SPDYE18: variants seen among roughly 807,000 people sequenced by gnomAD.
SPDYE18 encodes the protein speedy/RINGO cell cycle regulator family member E18, also known as speedy protein E18.
Under a neutral mutation model 44.9 loss-of-function variants are expected in SPDYE18, and 6 were observed. The observed-to-expected ratio is 0.13, with a 90% CI of 0.07 to 0.26. SPDYE18 has a LOEUF of 0.26. Ranked by LOEUF, SPDYE18 falls within the 10% of genes least tolerant of loss-of-function variation. The pLI is 1.00. For missense variants in SPDYE18, 121 were observed against 463.2 expected, an observed-to-expected ratio of 0.26 and a Z score of 6.78; for synonymous variants, 35 against 177.1, an observed-to-expected ratio of 0.20 and a Z score of 6.37.
In SPDYE18 at chr7:77,051,681, C is replaced by T. The variant is rs1160952823; in HGVS notation, c.*244G>A. 6.6e-6 allele frequency among the ~76,000 whole-genome samples: 1 copy of T among 151,652 alleles called. No homozygotes were observed. The highest frequency in any genetic ancestry group is 1.5e-5 in the Non-Finnish European group (1 of 67,850). On this transcript the variant is annotated 3_prime_UTR_variant, in exon 9 of 9. Transcript: ENST00000510091. ...GTTTTCTTACTTTTCTCCAAGGACT[C>T]CTAGAAGGACCCCACCCCCCTCCCC... is the stretch of plus-strand genomic sequence containing the variant.
Position 77,050,457 on chromosome 7 carries a change from G to A in SPDYE18, c.*1468C>T, listed in dbSNP as rs1452005958. Reference sequence around the variant, plus strand: ...GTTTCCACAAGAGACGCACTCTATTGTTCTCTTGAAAACACACAGCTCATG... The same window carrying A: ...GTTTCCACAAGAGACGCACTCTATTATTCTCTTGAAAACACACAGCTCATG... On this transcript the variant is annotated 3_prime_UTR_variant, in exon 9 of 9. Coordinates refer to ENST00000510091, the MANE Select transcript of SPDYE18 (RefSeq NM_001394953.1). 2.0e-5 allele frequency among the ~76,000 whole-genome samples: 3 copies of A among 152,198 alleles called. No homozygotes were observed. Among genetic ancestry groups the A allele is most frequent in the Non-Finnish European group, 4.4e-5 (3 of 68,044 alleles).
rs199905759 is a variant in SPDYE18 at position 77,053,088 on chromosome 7, A to G, written c.871T>C (p.Leu291=). 11,537 of 1,605,044 alleles carry G rather than the reference A, an allele frequency of 7.2e-3. No homozygotes were observed. In the East Asian group the frequency reaches 0.11, roughly 15 times the overall value. The change falls in exon 7 of 9, where the codon TTA becomes CTA. Residue 291 remains leucine, a synonymous_variant. Transcript: ENST00000510091. The stretch of plus-strand genomic sequence containing the variant: ...GCCCTCGGGTTCAAGCAACGGCATA[A>G]CTGGAACCGACGGTTACGGACCAAG... ...IPLVRNRRFQ[L]CRCLNPRARK...
rs1434035650 is a variant in SPDYE18 at position 77,060,322 on chromosome 7, A to G, written c.160+31T>C. ...CCCTTCCTTCGTCTTAGTCAACCCT[A>G]TCCCACCTCTTCTTCCACCAGTCCC... On this transcript the variant is annotated intron_variant, in intron 2 of 8. Transcript: ENST00000510091. 1.2e-5 allele frequency: 19 copies of G among 1,534,748 alleles called. No individual in the cohort carries two copies. In the Admixed American group the frequency reaches 2.6e-4, roughly 21 times the overall value.
Position 77,060,719 on chromosome 7 carries a change from C to A in SPDYE18, c.-207G>T, listed in dbSNP as rs1347109897. 7.9e-5 allele frequency among the ~76,000 whole-genome samples: 12 copies of A among 151,256 alleles called. No homozygotes were observed. Among genetic ancestry groups the A allele is most frequent in the Admixed American group, 7.3e-4 (11 of 15,156 alleles). ...ACCTGGCAACCAGTTTGAAAAAAAA[C>A]ACATGTAACTGCCAGGCTGATCTCT... On this transcript the variant is annotated 5_prime_UTR_variant, in exon 2 of 9. Transcript: ENST00000510091.
Position 77,059,016 on chromosome 7 carries a change from A to G in SPDYE18, c.379+164T>C, listed in dbSNP as rs576469733. On this transcript the variant is annotated intron_variant, in intron 3 of 8. Transcript: ENST00000510091. Reference sequence around the variant, plus strand: ...TTTATCAAGTCTAGCCTAGTCCTCTATCATCTCCTAAGTGTCCCTCATGAG... The same window carrying G: ...TTTATCAAGTCTAGCCTAGTCCTCTGTCATCTCCTAAGTGTCCCTCATGAG... 1.9e-3 allele frequency among the ~76,000 whole-genome samples: 283 copies of G among 152,014 alleles called. 3 individuals are homozygous for G. Among genetic ancestry groups the G allele is most frequent in the African/African-American group, 6.4e-3 (267 of 41,484 alleles).
chr7:77,058,195 G>A (rs1789960505), intron 3 of SPDYE18, among the ~76,000 whole-genome samples: 1 of 115,344 alleles, frequency 8.7e-6, no homozygotes, highest in Non-Finnish European at 1.7e-5. Context: ...GTAGTGGTGC[G>A]ATCTTGGCTC....
intron 3 of SPDYE18, among the ~76,000 whole-genome samples, chr7:77,058,516 T>C (rs2117324042): frequency 8.0e-6 from 1 of 125,422 alleles, no homozygotes; most frequent in Middle Eastern, 3.8e-3. Context: ...TTTTTTTTTT[T>C]TTTTTTTTGA....
rs1212689921 is a variant in SPDYE18 at position 77,051,431 on chromosome 7, G to T, written c.*494C>A. On this transcript the variant is annotated 3_prime_UTR_variant, in exon 9 of 9. Transcript: ENST00000510091. ...ACATTTCCAAACAAACCAATAAAATGCAGAGTGTGCATGAAGCTATCTGTT... is the reference window on the plus strand; with the variant it reads ...ACATTTCCAAACAAACCAATAAAATTCAGAGTGTGCATGAAGCTATCTGTT... Among the ~76,000 whole-genome samples, 5 of 152,272 alleles carry T rather than the reference G, an allele frequency of 3.3e-5. No individual in the cohort carries two copies. The highest frequency in any genetic ancestry group is 1.2e-4 in the African/African-American group (5 of 41,480).
Position 77,053,830 on chromosome 7 carries a change from CTCTA to C in SPDYE18, c.756-631_756-628del, listed in dbSNP as rs1482483987. Among the ~76,000 whole-genome samples, 5 of 146,574 alleles carry C rather than the reference CTCTA, an allele frequency of 3.4e-5. 1 individual carries two copies. Among genetic ancestry groups the C allele is most frequent in the African/African-American group, 1.2e-4 (5 of 40,750 alleles). On this transcript the variant is annotated intron_variant, in intron 6 of 8. Coordinates refer to ENST00000510091, the MANE Select transcript of SPDYE18 (RefSeq NM_001394953.1). The stretch of plus-strand genomic sequence containing the variant: ...TTCCAGCCTGAGAGGCAGAGCAAGA[CTCTA>C]TCTCAATAATCAAACAAACAAACAA...
chr7:77,051,070 C>G lies in SPDYE18; in HGVS notation c.*855G>C, dbSNP rs1223650210. On this transcript the variant is annotated 3_prime_UTR_variant, in exon 9 of 9. Transcript: ENST00000510091. Reference sequence around the variant, plus strand: ...CAACTGAATTCTCACAATTCAGTCACAAACCTAAACAGCAAATAAAAATTT... The same window carrying G: ...CAACTGAATTCTCACAATTCAGTCAGAAACCTAAACAGCAAATAAAAATTT... 6.6e-6 allele frequency among the ~76,000 whole-genome samples: 1 copy of G among 151,934 alleles called. No individual in the cohort carries two copies. The highest frequency in any genetic ancestry group is 1.9e-4 in the East Asian group (1 of 5,178).
At position 77,060,151 on chromosome 7, in the gene SPDYE18, A is replaced by T. The variant is rs1243633230; in HGVS notation, c.160+202T>A. 2.0e-5 allele frequency among the ~76,000 whole-genome samples: 3 copies of T among 148,406 alleles called. No homozygotes were observed. In the East Asian group the frequency reaches 6.1e-4, roughly 30 times the overall value. On this transcript the variant is annotated intron_variant, in intron 2 of 8. Coordinates refer to ENST00000510091, the MANE Select transcript of SPDYE18 (RefSeq NM_001394953.1). The stretch of plus-strand genomic sequence containing the variant: ...GCTGGGATTACAGGTGTGCACCACT[A>T]CCACTTGACTACTTTTTATACTTTT...
chr7:77,051,678 A>G lies in SPDYE18; in HGVS notation c.*247T>C, dbSNP rs1399619659. ...CCTGTTTTCTTACTTTTCTCCAAGG[A>G]CTCCTAGAAGGACCCCACCCCCCTC... On this transcript the variant is annotated 3_prime_UTR_variant, in exon 9 of 9. Coordinates refer to ENST00000510091, the MANE Select transcript of SPDYE18 (RefSeq NM_001394953.1). 6.6e-6 allele frequency among the ~76,000 whole-genome samples: 1 copy of G among 151,166 alleles called. No homozygotes were observed. The highest frequency in any genetic ancestry group is 2.4e-5 in the African/African-American group (1 of 41,308).
In SPDYE18 at chr7:77,057,701, C is replaced by T. The variant is rs1789949663; in HGVS notation, c.546G>A (p.Lys182=). ...VAEMLCGLKM[K]LKRRRVSLVL... is the part of the protein sequence containing the mutation. The stretch of plus-strand genomic sequence containing the variant: ...CGAGCGACACTCGCCGTCGCTTCAG[C>T]TTCATCTTGAGGCCACACAGCATCT... The change falls in exon 4 of 9, where the codon AAG becomes AAA. Residue 182 remains lysine, a synonymous_variant. Coordinates refer to ENST00000510091, the MANE Select transcript of SPDYE18 (RefSeq NM_001394953.1). The T allele has an allele frequency of 6.6e-7, 1 of 1,520,406 alleles. No individual in the cohort carries two copies. The highest frequency in any genetic ancestry group is 8.8e-7 in the Non-Finnish European group (1 of 1,133,770). 94.2% of individuals were successfully genotyped at this position (1,520,406 alleles called of 1,614,324 possible). A position where few individuals can be genotyped will look rare whatever the true frequency, so the allele number is the denominator to read the frequency against.
intron 6 of SPDYE18, among the ~76,000 whole-genome samples, chr7:77,053,567 C>T (rs574116135): frequency 6.6e-5 from 10 of 152,344 alleles, no homozygotes; most frequent in South Asian, 2.1e-4. Context: ...ATGCCAGACG[C>T]GGTGGCTCAT....
chr7:77,053,320 C>T, intron 6 of SPDYE18, 117 bp from the exon 7 acceptor site: 1 of 1,465,386 alleles, frequency 6.8e-7, no homozygotes, highest in African/African-American at 1.4e-5. Flanking sequence ...TGGCACCCAC[C>T]CTGCAGAGAG....
At chr7:77,054,388 G>C (rs1187071923) in intron 6 of SPDYE18, among the ~76,000 whole-genome samples, 5 of 147,812 alleles carry the variant, frequency 3.4e-5, no homozygotes, top group African/African-American at 1.3e-4. Context: ...GGCCTCGATA[G>C]AGAAAGGCAT....
intron 8 of SPDYE18, among the ~76,000 whole-genome samples, 161 bp downstream of exon 8, chr7:77,052,572 G>A (rs1175156409): frequency 6.6e-6 from 1 of 152,400 alleles, no homozygotes; most frequent in African/African-American, 2.4e-5. Context: ...GTAGTTGGGA[G>A]TAGAGATGCG....
At chr7:77,060,018 TTTTTC>T (rs3972481) in intron 2 of SPDYE18, among the ~76,000 whole-genome samples, 10,765 of 131,058 alleles carry the variant, frequency 0.082, 694 homozygotes, top group Non-Finnish European at 0.13. Context: ...CTTCTTTTCT[TTTTTC>T]TTTTCTTTTT....
Position 77,051,538 on chromosome 7 carries a change from T to G in SPDYE18, c.*387A>C, listed in dbSNP as rs1789797392. Reference sequence around the variant, plus strand: ...ATTGTGCCTTCAAATGCTCCTGGACTGTGGCAACCAAGTCTGTAAGAAACA... The same window carrying G: ...ATTGTGCCTTCAAATGCTCCTGGACGGTGGCAACCAAGTCTGTAAGAAACA... On this transcript the variant is annotated 3_prime_UTR_variant, in exon 9 of 9. Coordinates refer to ENST00000510091, the MANE Select transcript of SPDYE18 (RefSeq NM_001394953.1). 6.6e-6 allele frequency among the ~76,000 whole-genome samples: 1 copy of G among 152,280 alleles called. No homozygotes were observed. The highest frequency in any genetic ancestry group is 6.5e-5 in the Admixed American group (1 of 15,288).
Sources: gnomAD v4.1 joint callset for allele counts (sites outside exome capture counted in the v4.1 genomes callset) on GRCh38, gnomAD v4.1.1 for gene constraint, MANE v1.5 for transcripts, NCBI Gene and HGNC (gene_info 2026-07-23, HGNC 2026-07-21) for gene names.